MIA2: variants seen among roughly 807,000 people sequenced by gnomAD.
The protein encoded by MIA2 is MIA SH3 domain ER export factor 2.
MIA2 carries 127 observed loss-of-function variants against 167.8 expected under a neutral mutation model. The ratio of observed to expected loss-of-function variants is 0.76; its 90% CI spans 0.66 to 0.88. The LOEUF (loss-of-function observed/expected upper bound fraction) is 0.88. Among genes scored for constraint, MIA2 ranks in the 40% least tolerant of loss-of-function variants. The pLI, the probability that MIA2 is intolerant of heterozygous loss-of-function variation, is 0.00. For missense variants in MIA2, 1,690 were observed against 1,624.7 expected, an observed-to-expected ratio of 1.04 and a Z score of -0.69; for synonymous variants, 552 against 541.9, an observed-to-expected ratio of 1.02 and a Z score of -0.26.
At chr14:39,309,621 C>G (rs1391760365) in intron 18 of MIA2, among the ~76,000 whole-genome samples, 1 of 152,182 alleles carries the variant, frequency 6.6e-6, no homozygotes, top group Non-Finnish European at 1.5e-5. Flanking sequence ...ACCTGCTACT[C>G]TTTATTCCCT....
intron 23 of MIA2, among the ~76,000 whole-genome samples, chr14:39,356,602 G>T (rs58270193): frequency 6.6e-6 from 1 of 152,150 alleles, no homozygotes; most frequent in African/African-American, 2.4e-5. Flanking sequence ...GCTGGCTTTT[G>T]AATGTGTTTG....
At chr14:39,308,641 T>TA in intron 18 of MIA2, 54 bp downstream of exon 18, 1 of 1,330,306 alleles carries the variant, frequency 7.5e-7, no homozygotes, top group Non-Finnish European at 1.0e-6. Flanking sequence ...GCTTTAGAGA[T>TA]ATATGTTACA....
At chr14:39,286,814 C>T (rs2059875967) in intron 9 of MIA2, among the ~76,000 whole-genome samples, 1 of 151,592 alleles carries the variant, frequency 6.6e-6, no homozygotes, top group African/African-American at 2.4e-5. Context: ...CCACCTCAGC[C>T]TCCCAAATTG....
At chr14:39,348,307 A>T (rs1030421678) in intron 27 of MIA2, among the ~76,000 whole-genome samples, 9 of 152,294 alleles carry the variant, frequency 5.9e-5, no homozygotes, top group African/African-American at 2.2e-4. Flanking sequence ...TAGGAGTTTG[A>T]GTTAGTTTAA....
intron 6 of MIA2, among the ~76,000 whole-genome samples, chr14:39,254,974 G>C (rs985040595): frequency 1.3e-5 from 2 of 152,156 alleles, no homozygotes; most frequent in East Asian, 3.9e-4. Context: ...CCAGCTCAGG[G>C]ACCTGATAAC....
intron 9 of MIA2, among the ~76,000 whole-genome samples, chr14:39,286,433 TGGAGAGG>T (rs543010963): frequency 1.0e-3 from 155 of 152,170 alleles, no homozygotes; most frequent in African/African-American, 3.4e-3. Context: ...AGGGAGACTG[TGGAGAGG>T]GGAGAGGGGA....
chr14:39,375,680 G>C (rs1028807537), intron 23 of MIA2, among the ~76,000 whole-genome samples: 2 of 152,322 alleles, frequency 1.3e-5, no homozygotes, highest in Admixed American at 1.3e-4. Context: ...TTGTGTGACA[G>C]AGCAAGAGTC....
chr14:39,282,973 A>G (rs533779376), intron 9 of MIA2, among the ~76,000 whole-genome samples: 7 of 152,328 alleles, frequency 4.6e-5, no homozygotes, highest in African/African-American at 1.7e-4. Context: ...AATTCCGCAT[A>G]TAAGTGAGAT....
intron 7 of MIA2, among the ~76,000 whole-genome samples, chr14:39,277,521 G>A (rs538515653): frequency 8.6e-4 from 130 of 150,508 alleles, no homozygotes; most frequent in African/African-American, 2.8e-3. Flanking sequence ...GAGAGACCCT[G>A]TCTCAAAAAT....
At position 39,314,806 on chromosome 14, in the gene MIA2, A is replaced by ATGTGTGTG. The variant is rs539446066; in HGVS notation, c.3180+8_3180+9insGTGTGTGT. 3.8e-3 allele frequency: 5,233 copies of ATGTGTGTG among 1,375,482 alleles called. 303 individuals carry two copies. The highest frequency in any genetic ancestry group is 0.022 in the East Asian group (887 of 40,030). 85.2% of individuals were successfully genotyped at this position (1,375,482 alleles called of 1,614,324 possible). ...TCATTCTTATCAAGGGCAGGTATAT[A>ATGTGTGTG]TATATGTGTGTGTGTGTGTGTGTGT... On this transcript the variant is annotated splice_region_variant and intron_variant, in intron 20 of 28. Coordinates refer to ENST00000640607, the MANE Select transcript of MIA2 (RefSeq NM_001329214.4).
At chr14:39,271,881 CA>C (rs1369193714) in intron 6 of MIA2, among the ~76,000 whole-genome samples, 1 of 152,080 alleles carries the variant, frequency 6.6e-6, no homozygotes, top group African/African-American at 2.4e-5. Context: ...GGAAAGCTCT[CA>C]GCAAAGAGGG....
In MIA2 at chr14:39,314,773, A is replaced by G. The variant is rs750942588; in HGVS notation, c.3154A>G (p.Arg1052Gly). Residue 1052 changes from arginine to glycine, a missense_variant, in exon 20 of 29, where the codon AGA becomes GGA. By Grantham distance (125) the Arg-to-Gly change is moderately radical (BLOSUM62 -2). Coordinates refer to ENST00000640607, the MANE Select transcript of MIA2 (RefSeq NM_001329214.4). ...CAAAGATCTTGAAGAAGAATTGGAG[A>G]GAACTATTCATTCTTATCAAGGGCA... ...RAKDLEEELERTIHSYQGQII... is the reference protein window; with the variant it reads ...RAKDLEEELEGTIHSYQGQII... 1 of 1,607,724 alleles carries G rather than the reference A, an allele frequency of 6.2e-7. No individual in the cohort carries two copies. Among genetic ancestry groups the G allele is most frequent in the Non-Finnish European group, 8.5e-7 (1 of 1,176,956 alleles).
rs116320622 is a variant in MIA2, at chr14:39,307,745, C to T, written c.2879-704C>T. 5.7e-3 allele frequency among the ~76,000 whole-genome samples: 867 copies of T among 152,064 alleles called. 9 individuals carry two copies. The highest frequency in any genetic ancestry group is 0.019 in the African/African-American group (798 of 41,490). Reference sequence around the variant, plus strand: ...TAGCTCCTTAATTCAGATATTAATGCACTCAATGGAGCACTATTCAGCCAT... The same window carrying T: ...TAGCTCCTTAATTCAGATATTAATGTACTCAATGGAGCACTATTCAGCCAT... On this transcript the variant is annotated intron_variant, in intron 17 of 28. Coordinates refer to ENST00000640607, the MANE Select transcript of MIA2 (RefSeq NM_001329214.4).
At chr14:39,279,382 C>T in intron 8 of MIA2, 24 bp downstream of exon 8, 1 of 1,600,812 alleles carries the variant, frequency 6.2e-7, no homozygotes, top group Non-Finnish European at 8.5e-7. Context: ...TCTGCTTTGA[C>T]TCTCATTGTT....
intron 17 of MIA2, among the ~76,000 whole-genome samples, chr14:39,307,335 A>G (rs1487122591): frequency 6.6e-6 from 1 of 151,958 alleles, no homozygotes; most frequent in African/African-American, 2.4e-5. Flanking sequence ...TAGATGCTAG[A>G]ATTAGAATGT....
intron 6 of MIA2, chr14:39,266,623 C>A: frequency 1.0e-6 from 1 of 985,546 alleles, no homozygotes; most frequent in Non-Finnish European, 1.2e-6. Flanking sequence ...GTCTAAAGTC[C>A]AAAGTCCGGA....
intron 9 of MIA2, among the ~76,000 whole-genome samples, chr14:39,281,154 G>A (rs192929510): frequency 4.0e-4 from 60 of 151,850 alleles, no homozygotes; most frequent in Admixed American, 3.7e-3. Context: ...CGAACTCCTG[G>A]GTTCAAGCAA....
At chr14:39,330,484 A>G (rs996865276) in intron 25 of MIA2, among the ~76,000 whole-genome samples, 11 of 151,546 alleles carry the variant, frequency 7.3e-5, no homozygotes, top group African/African-American at 2.7e-4. Context: ...CATCTTAGTT[A>G]TTTCTTGTCT....
intron 18 of MIA2, among the ~76,000 whole-genome samples, chr14:39,310,373 C>A (rs2064032051): frequency 6.6e-6 from 1 of 152,072 alleles, no homozygotes; most frequent in African/African-American, 2.4e-5. Flanking sequence ...CACAAGAATG[C>A]TGTGATATGT....
Sources: allele counts gnomAD v4.1 joint callset (sites outside exome capture counted in the v4.1 genomes callset), GRCh38; gene constraint gnomAD v4.1.1; transcripts MANE v1.5; gene names NCBI Gene and HGNC (gene_info 2026-07-23, HGNC 2026-07-21).